SLC35A1: variants seen among roughly 807,000 people sequenced by gnomAD.
SLC35A1 encodes the protein solute carrier family 35 member A1, also known as CMP-sialic acid transporter.
A neutral mutation model predicts 40.3 loss-of-function variants in SLC35A1; 21 were observed. That is an observed-to-expected ratio of 0.52 (90% CI 0.37 to 0.75). The LOEUF (loss-of-function observed/expected upper bound fraction) is 0.75. Among genes scored for constraint, SLC35A1 ranks in the 30% least tolerant of loss-of-function variants. The pLI, the probability that SLC35A1 is intolerant of heterozygous loss-of-function variation, is 0.00. For missense variants in SLC35A1, 297 were observed against 382.1 expected (o/e 0.78, Z 1.86); for synonymous variants, 146 against 147.3 (o/e 0.99, Z 0.06).
intron 4 of SLC35A1, among the ~76,000 whole-genome samples, chr6:87,502,575 A>G (rs903616131): frequency 6.6e-6 from 1 of 152,202 alleles, no homozygotes; most frequent in African/African-American, 2.4e-5. Flanking sequence ...GCGAGTTGTA[A>G]CACAGTGGTA....
At chr6:87,481,636 A>G (rs1026893748) in intron 2 of SLC35A1, among the ~76,000 whole-genome samples, 1 of 152,196 alleles carries the variant, frequency 6.6e-6, no homozygotes, top group Non-Finnish European at 1.5e-5. Context: ...TATTAATATT[A>G]AACTCAATTT....
chr6:87,503,768 A>C (rs1367525235), intron 4 of SLC35A1, among the ~76,000 whole-genome samples: 5 of 152,146 alleles, frequency 3.3e-5, no homozygotes, highest in Non-Finnish European at 4.4e-5. Context: ...GCCAAACATT[A>C]TCTCTATGGA....
intron 2 of SLC35A1, among the ~76,000 whole-genome samples, chr6:87,488,959 G>A (rs1052284442): frequency 6.6e-6 from 1 of 152,188 alleles, no homozygotes; most frequent in African/African-American, 2.4e-5. Context: ...CTAGGTCAAA[G>A]GGCTGAGACC....
chr6:87,499,876 G>T (rs1040704931), intron 2 of SLC35A1, among the ~76,000 whole-genome samples: 12 of 152,286 alleles, frequency 7.9e-5, no homozygotes, highest in Admixed American at 7.9e-4. Flanking sequence ...AGTACTTTGG[G>T]AGGCCGAGGC....
intron 4 of SLC35A1, among the ~76,000 whole-genome samples, chr6:87,504,740 C>T (rs1199570768): frequency 6.6e-6 from 1 of 152,180 alleles, no homozygotes; most frequent in African/African-American, 2.4e-5. Flanking sequence ...GTTTCCATCA[C>T]TATTTTTCCT....
chr6:87,481,799 A>T (rs956521719), intron 2 of SLC35A1, among the ~76,000 whole-genome samples: 1 of 152,168 alleles, frequency 6.6e-6, no homozygotes, highest in African/African-American at 2.4e-5. Context: ...TTTTATTTTA[A>T]TGTCCAGTTC....
chr6:87,500,402 C>A (rs944520755), intron 2 of SLC35A1, 106 bp from the exon 3 acceptor site: 2 of 1,087,306 alleles, frequency 1.8e-6, no homozygotes, highest in South Asian at 1.3e-5. Flanking sequence ...TGCTAAATTA[C>A]AGCAAGCATA....
intron 4 of SLC35A1, among the ~76,000 whole-genome samples, chr6:87,503,627 G>C (rs530846644): frequency 6.6e-6 from 1 of 152,188 alleles, no homozygotes. Flanking sequence ...CAGGAGAATC[G>C]CTTGAACCTG....
intron 4 of SLC35A1, among the ~76,000 whole-genome samples, chr6:87,503,669 G>A (rs962544607): frequency 2.6e-5 from 4 of 152,024 alleles, no homozygotes; most frequent in African/African-American, 4.8e-5. Flanking sequence ...CCGAGATCGC[G>A]CCACTGCACA....
chr6:87,490,062 C>A (rs1769501658), intron 2 of SLC35A1, among the ~76,000 whole-genome samples: 1 of 151,702 alleles, frequency 6.6e-6, no homozygotes, highest in African/African-American at 2.4e-5. Context: ...AACCTCATCT[C>A]TACAGAAAAT....
chr6:87,486,612 G>A (rs1233918659), intron 2 of SLC35A1, among the ~76,000 whole-genome samples: 1 of 152,066 alleles, frequency 6.6e-6, no homozygotes, highest in Non-Finnish European at 1.5e-5. Flanking sequence ...AAAAGTAGAG[G>A]GTGCTACAAA....
intron 1 of SLC35A1, among the ~76,000 whole-genome samples, chr6:87,474,052 C>T (rs961274070): frequency 9.9e-5 from 15 of 152,090 alleles, no homozygotes; most frequent in Non-Finnish European, 1.5e-4. Context: ...TCTTAAAAGC[C>T]TTTTTTTGTA....
chr6:87,474,140 G>A (rs1385761686), intron 1 of SLC35A1, among the ~76,000 whole-genome samples: 1 of 152,170 alleles, frequency 6.6e-6, no homozygotes, highest in Non-Finnish European at 1.5e-5. Flanking sequence ...AAATTGATCC[G>A]AACGAAAACT....
chr6:87,475,415 C>T (rs2127961842), intron 1 of SLC35A1, among the ~76,000 whole-genome samples: 2 of 152,324 alleles, frequency 1.3e-5, no homozygotes, highest in South Asian at 4.1e-4. Context: ...AGTCATATTT[C>T]TTCCCTTGTG....
chr6:87,502,581 T>C (rs1769952552), intron 4 of SLC35A1, among the ~76,000 whole-genome samples: 2 of 152,152 alleles, frequency 1.3e-5, no homozygotes, highest in South Asian at 4.1e-4. Flanking sequence ...TGTAACACAG[T>C]GGTAAGTTTA....
chr6:87,486,679 C>T (rs184280001), intron 2 of SLC35A1, among the ~76,000 whole-genome samples: 160 of 152,212 alleles, frequency 1.1e-3, no homozygotes, highest in African/African-American at 3.6e-3. Flanking sequence ...GAGGAAGTTA[C>T]GTTTAAACCT....
intron 1 of SLC35A1, among the ~76,000 whole-genome samples, chr6:87,475,818 C>T (rs1052639500): frequency 5.9e-5 from 9 of 152,210 alleles, no homozygotes; most frequent in Non-Finnish European, 1.5e-5. Flanking sequence ...GCTGGAGTCA[C>T]CTGGTGTCCT....
intron 2 of SLC35A1, among the ~76,000 whole-genome samples, chr6:87,484,944 A>T (rs1431944803): frequency 6.6e-6 from 1 of 152,238 alleles, no homozygotes; most frequent in Non-Finnish European, 1.5e-5. Flanking sequence ...CAGCAAATCA[A>T]AGGGCCTAGA....
intron 6 of SLC35A1, 119 bp downstream of exon 6, chr6:87,508,715 TTGAATA>T (rs1480751665): frequency 3.3e-6 from 3 of 918,014 alleles, no homozygotes; most frequent in Non-Finnish European, 3.3e-6. Flanking sequence ...AAATACCAGT[TTGAATA>T]TAATTTTCAT....
Sources: gnomAD v4.1 joint callset for allele counts (sites outside exome capture counted in the v4.1 genomes callset) on GRCh38, gnomAD v4.1.1 for gene constraint, MANE v1.5 for transcripts, NCBI Gene and HGNC (gene_info 2026-07-23, HGNC 2026-07-21) for gene names.